Variants in SFMBT2 observed in about 807,000 individuals in gnomAD.
SFMBT2 encodes Scm like with four mbt domains 2.
A neutral mutation model predicts 110.1 loss-of-function variants in SFMBT2; 38 were observed. That is an observed-to-expected ratio of 0.35 (90% CI 0.27 to 0.45). The LOEUF is 0.45. Ranked by LOEUF, SFMBT2 falls within the 20% of genes least tolerant of loss-of-function variation. SFMBT2 has a pLI of 1.00. For synonymous variants in SFMBT2, 425 were observed against 425.4 expected (o/e 1.00, Z 0.01); for missense variants, 1,011 against 1,094.9 (o/e 0.92, Z 1.08).
At chr10:7,184,862 G>C (rs189818114) in intron 16 of SFMBT2, among the ~76,000 whole-genome samples, 19 of 152,280 alleles carry the variant, frequency 1.2e-4, no homozygotes, top group African/African-American at 4.3e-4. Flanking sequence ...GAACCCTGCA[G>C]AAATAGGGAA....
At chr10:7,328,228 C>T (rs963207117) in intron 4 of SFMBT2, among the ~76,000 whole-genome samples, 2 of 152,090 alleles carry the variant, frequency 1.3e-5, no homozygotes, top group East Asian at 1.9e-4. Context: ...CAAATAATAC[C>T]GACATCTTTG....
Position 7,243,723 on chromosome 10 carries a change from G to A in SFMBT2, c.973-18C>T, listed in dbSNP as rs1241696029. 4.6e-6 allele frequency: 4 copies of A among 866,360 alleles called. No individual in the cohort carries two copies. In the Admixed American group the frequency reaches 6.8e-5, roughly 15 times the overall value. 53.7% of individuals were successfully genotyped at this position (866,360 alleles called of 1,614,324 possible). ...TTAAAAACCTAAAAGAAAAAAAATG[G>A]GGGAGCCAAAGGTTAATTCTTTAGA... On this transcript the variant is annotated intron_variant, in intron 8 of 20. Transcript: ENST00000397167.
chr10:7,399,712 T>G (rs1232473060), intron 1 of SFMBT2, among the ~76,000 whole-genome samples: 2 of 152,228 alleles, frequency 1.3e-5, no homozygotes, highest in African/African-American at 4.8e-5. Context: ...TAACGTCTTA[T>G]CAGGCACCAG....
chr10:7,305,091 T>C (rs188418296), intron 4 of SFMBT2, among the ~76,000 whole-genome samples: 492 of 152,340 alleles, frequency 3.2e-3, no homozygotes, highest in East Asian at 9.0e-3. Context: ...GTGGAAGTTC[T>C]TTTAGCAAAA....
At chr10:7,329,692 T>C (rs551581561) in intron 4 of SFMBT2, 115 of 168,804 alleles carry the variant, frequency 6.8e-4, no homozygotes, top group South Asian at 4.7e-3. Context: ...CCGGGACTGC[T>C]GGCCACAGCG....
chr10:7,310,872 C>G (rs552954131), intron 4 of SFMBT2, among the ~76,000 whole-genome samples: 272 of 152,070 alleles, frequency 1.8e-3, no homozygotes, highest in Middle Eastern at 0.01. Context: ...CTGGTGAAAC[C>G]CCATCTCTAC....
intron 17 of SFMBT2, among the ~76,000 whole-genome samples, chr10:7,174,542 T>C (rs752908688): frequency 8.5e-5 from 13 of 152,300 alleles, no homozygotes; most frequent in Non-Finnish European, 1.8e-4. Context: ...ACCCAAAGGA[T>C]CTTGGGACTT....
In SFMBT2 at chr10:7,286,058, G is replaced by A; in HGVS notation, c.437-104C>T. ...TTAAAATCACAGCAGTTTTCTCCAT[G>A]TAGGTTTGATTTCAATGTTTTTCTT... On this transcript the variant is annotated intron_variant, in intron 4 of 20. Coordinates refer to ENST00000397167, the MANE Select transcript of SFMBT2 (RefSeq NM_001387889.1). 8.8e-6 allele frequency: 6 copies of A among 685,218 alleles called. 1 individual carries two copies. In the South Asian group the frequency reaches 1.0e-4, roughly 12 times the overall value. The allele number at this position is 685,218 out of a possible 1,614,324, so 42.4% of individuals were successfully genotyped here.
At chr10:7,356,447 G>A (rs796586043) in intron 4 of SFMBT2, among the ~76,000 whole-genome samples, 14 of 152,180 alleles carry the variant, frequency 9.2e-5, no homozygotes, top group African/African-American at 2.6e-4. Context: ...ATGGAGTCTC[G>A]CTCCCTCACC....
chr10:7,207,977 A>C (rs1839205989), intron 11 of SFMBT2, among the ~76,000 whole-genome samples: 1 of 152,238 alleles, frequency 6.6e-6, no homozygotes, highest in Non-Finnish European at 1.5e-5. Context: ...AATTTAAAGA[A>C]TATAGAATTT....
In SFMBT2 at chr10:7,276,898, C is replaced by T. The variant is rs903269091; in HGVS notation, c.864G>A (p.Val288=). 2 of 870,922 alleles carry T rather than the reference C, an allele frequency of 2.3e-6. No individual in the cohort carries two copies. The highest frequency in any genetic ancestry group is 1.6e-5 in the African/African-American group (1 of 61,274). The allele number at this position is 870,922 out of a possible 1,614,324, so 53.9% of individuals were successfully genotyped here. The part of the protein sequence containing the change: ...DAAKFPLPME[V]FKDHADLRSH... ...CTAAGAATCAACATCTTACCTTAAACACTTCCATTGGAAGAGGAAATTTGG... is the reference window on the plus strand; with the variant it reads ...CTAAGAATCAACATCTTACCTTAAATACTTCCATTGGAAGAGGAAATTTGG... Residue 288 remains valine (V), a synonymous_variant, in exon 7 of 21, where the codon GTG becomes GTA. Transcript: ENST00000397167.
chr10:7,308,997 A>AT (rs1264624761), intron 4 of SFMBT2, among the ~76,000 whole-genome samples: 2 of 152,244 alleles, frequency 1.3e-5, no homozygotes, highest in Non-Finnish European at 2.9e-5. Flanking sequence ...TTCAATGGTC[A>AT]TGACAGTTAA....
chr10:7,180,131 TGC>T (rs750722362), intron 16 of SFMBT2, among the ~76,000 whole-genome samples: 19,591 of 150,136 alleles, frequency 0.13, 1,644 homozygotes, highest in African/African-American at 0.22. Flanking sequence ...TGCTTTTTTT[TGC>T]TTTTTTTGAG....
intron 12 of SFMBT2, 142 bp downstream of exon 12, chr10:7,205,673 T>G: frequency 7.2e-7 from 1 of 1,397,050 alleles, no homozygotes. Flanking sequence ...TTAAGCGAGA[T>G]CATGAAAACA....
At chr10:7,315,048 G>A (rs1842960503) in intron 4 of SFMBT2, among the ~76,000 whole-genome samples, 1 of 112,884 alleles carries the variant, frequency 8.9e-6, no homozygotes, top group African/African-American at 3.3e-5. Flanking sequence ...GAGAAAGAAA[G>A]AAAGAAAGAA....
At chr10:7,233,210 C>T (rs945023333) in intron 9 of SFMBT2, among the ~76,000 whole-genome samples, 1 of 152,160 alleles carries the variant, frequency 6.6e-6, no homozygotes, top group Admixed American at 6.5e-5. Flanking sequence ...ATTCTAAAGG[C>T]TGTTAGGAAG....
chr10:7,369,557 T>G (rs1022469503), intron 3 of SFMBT2, among the ~76,000 whole-genome samples: 1 of 152,192 alleles, frequency 6.6e-6, no homozygotes, highest in African/African-American at 2.4e-5. Context: ...ATGAGAGTGG[T>G]TTTTTTGGTT....
Position 7,172,745 on chromosome 10 carries a change from C to T in SFMBT2, c.1985-84G>A, listed in dbSNP as rs1193980362. On this transcript the variant is annotated intron_variant, in intron 17 of 20. Coordinates refer to ENST00000397167, the MANE Select transcript of SFMBT2 (RefSeq NM_001387889.1). This position sits in a 1 kb window ranked among gnomAD's most constrained non-coding sequence, Gnocchi z 4.6. ...AGAGAGGAGAGAGAAAGAAGGGAAA[C>T]GATTCTTTCATCTGATAGTTCATTT... 1.3e-5 allele frequency: 19 copies of T among 1,454,352 alleles called. No homozygotes were observed. The highest frequency in any genetic ancestry group is 2.4e-5 in the East Asian group (1 of 41,958). The allele number at this position is 1,454,352 out of a possible 1,614,324, so 90.1% of individuals were successfully genotyped here.
chr10:7,265,716 T>G (rs961213910), intron 7 of SFMBT2, among the ~76,000 whole-genome samples: 2 of 152,208 alleles, frequency 1.3e-5, no homozygotes, highest in Admixed American at 6.5e-5. Flanking sequence ...TCAGAACTAC[T>G]CACAGGAGGC....
Sources: allele counts gnomAD v4.1 joint callset (sites outside exome capture counted in the v4.1 genomes callset), GRCh38; gene constraint gnomAD v4.1.1; non-coding constraint Gnocchi (gnomAD v3.1); transcripts MANE v1.5; gene names NCBI Gene and HGNC (gene_info 2026-07-23, HGNC 2026-07-21).